VRK2: variants seen among roughly 807,000 people sequenced by gnomAD.
The protein encoded by VRK2 is VRK serine/threonine kinase 2.
Under a neutral mutation model 57.6 loss-of-function variants are expected in VRK2, and 60 were observed. The ratio of observed to expected loss-of-function variants is 1.04; its 90% CI spans 0.85 to 1.29. VRK2 has a LOEUF of 1.29. VRK2 is among the 50% of genes most tolerant of loss of function. The pLI is 0.00. For missense variants in VRK2, 705 were observed against 588.1 expected (o/e 1.20, Z -2.06); for synonymous variants, 231 against 199.2 (o/e 1.16, Z -1.35).
intron 3 of VRK2, among the ~76,000 whole-genome samples, chr2:58,034,685 C>A (rs528964162): frequency 6.6e-6 from 1 of 151,990 alleles, no homozygotes; most frequent in South Asian, 2.1e-4. Context: ...CTTATCTTGG[C>A]CTTAGGGCAT....
Position 58,046,831 on chromosome 2 carries a change from G to A in VRK2, c.-43G>A. On this transcript the variant is annotated 5_prime_UTR_variant, in exon 1 of 13. Transcript: ENST00000340157. ...CTCGTCGCAGCGGCAGGTAGGAGGC[G>A]GTGCGCGCGGCCCGGCGACGGGGGA... 2.0e-6 allele frequency: 2 copies of A among 985,636 alleles called. No homozygotes were observed. Among genetic ancestry groups the A allele is most frequent in the Non-Finnish European group, 2.4e-6 (2 of 830,108 alleles). The allele number at this position is 985,636 out of a possible 1,614,324, so 61.1% of individuals were successfully genotyped here.
At position 58,137,138 on chromosome 2, in the gene VRK2, A is replaced by G. The variant is rs888105455; in HGVS notation, c.856+1939A>G. 1.5e-4 allele frequency among the ~76,000 whole-genome samples: 7 copies of G among 45,332 alleles called. No individual in the cohort carries two copies. In the East Asian group the frequency reaches 3.2e-3, roughly 21 times the overall value. The allele number at this position is 45,332 out of a possible 152,430, so 29.7% of individuals were successfully genotyped here. A position where few individuals can be genotyped will look rare whatever the true frequency, so the allele number is the denominator to read the frequency against. ...TATCATATATGTGTATATATCATATATCATATATATCATGTGTTTATATAT... is the reference window on the plus strand; with the variant it reads ...TATCATATATGTGTATATATCATATGTCATATATATCATGTGTTTATATAT... On this transcript the variant is annotated intron_variant, in intron 10 of 12. Coordinates refer to ENST00000340157, the MANE Select transcript of VRK2 (RefSeq NM_006296.7).
At chr2:57,916,448 T>C (rs1293939425) in intron 1 of VRK2, among the ~76,000 whole-genome samples, 8 of 150,278 alleles carry the variant, frequency 5.3e-5, no homozygotes, top group African/African-American at 1.9e-4. Flanking sequence ...AGAACCATAG[T>C]CAACTATGGT....
At chr2:57,952,985 T>C (rs910365062) in intron 1 of VRK2, among the ~76,000 whole-genome samples, 3 of 152,190 alleles carry the variant, frequency 2.0e-5, no homozygotes, top group African/African-American at 7.2e-5. Context: ...GGATGATGCA[T>C]ATCTGTTACA....
intron 1 of VRK2, among the ~76,000 whole-genome samples, chr2:58,000,717 T>C (rs1434742127): frequency 6.6e-6 from 1 of 152,210 alleles, no homozygotes; most frequent in Non-Finnish European, 1.5e-5. Flanking sequence ...GACAAAACAG[T>C]TGCTCATTAC....
intron 7 of VRK2, among the ~76,000 whole-genome samples, chr2:58,095,479 A>G (rs1242833335): frequency 6.6e-6 from 1 of 151,870 alleles, no homozygotes; most frequent in African/African-American, 2.4e-5. Context: ...TCCTCTTACT[A>G]GTTTTGCATA....
At chr2:58,037,907 A>C (rs1674326198) in intron 3 of VRK2, among the ~76,000 whole-genome samples, 1 of 152,132 alleles carries the variant, frequency 6.6e-6, no homozygotes, top group African/African-American at 2.4e-5. Context: ...ACAACACAAT[A>C]ATTTGCCATC....
chr2:58,029,448 A>T (rs901243473), intron 2 of VRK2, among the ~76,000 whole-genome samples: 1 of 152,168 alleles, frequency 6.6e-6, no homozygotes, highest in Non-Finnish European at 1.5e-5. Flanking sequence ...CAACTCAGGT[A>T]GAAACAAGGT....
chr2:58,035,741 C>G (rs1485147518), intron 3 of VRK2, among the ~76,000 whole-genome samples: 1 of 151,910 alleles, frequency 6.6e-6, no homozygotes, highest in Non-Finnish European at 1.5e-5. Flanking sequence ...AGACAAAGCT[C>G]CATGATGTAT....
intron 10 of VRK2, among the ~76,000 whole-genome samples, chr2:58,137,204 C>CATATATATCATATATGATACATATATCAT (rs1301654797): frequency 1.9e-4 from 3 of 16,074 alleles, no homozygotes; most frequent in South Asian, 2.5e-3. Context: ...ATATATATCT[C>CATATATATCATATATGATACATATATCAT]ATATATGATA....
At chr2:58,063,773 G>C (rs1367713442) in intron 2 of VRK2, among the ~76,000 whole-genome samples, 2 of 152,090 alleles carry the variant, frequency 1.3e-5, no homozygotes, top group African/African-American at 4.8e-5. Context: ...AGCTGCCATA[G>C]ATAATGATTC....
chr2:57,949,057 T>C (rs1337784294), intron 1 of VRK2, among the ~76,000 whole-genome samples: 1 of 133,024 alleles, frequency 7.5e-6, no homozygotes, highest in Non-Finnish European at 1.6e-5. Flanking sequence ...AAACATTAAG[T>C]TGGGAGTGGT....
Position 57,943,097 on chromosome 2 carries a change from C to T in VRK2, c.-439+35258C>T, listed in dbSNP as rs901379187. 7.2e-5 allele frequency among the ~76,000 whole-genome samples: 11 copies of T among 152,150 alleles called. No homozygotes were observed. In the South Asian group the frequency reaches 1.0e-3, roughly 14 times the overall value. ...CTTTTCAATAAACTGAAGCAAACCC[C>T]TGAATCCATTTTTATAATCCTACTG... On this transcript the variant is annotated intron_variant, in intron 1 of 15. Coordinates refer to the VRK2 transcript ENST00000417641.
In VRK2 at chr2:58,154,632, A is replaced by T. The variant is rs1331225737; in HGVS notation, c.1183-4717A>T. ...TTCCATTCGGTTCAATGTATTTTTT[A>T]ATTTTCCTGGGGTCTCTTTGACCCA... On this transcript the variant is annotated intron_variant, in intron 12 of 12. Transcript: ENST00000340157. The T allele has an allele frequency of 7.6e-5, 49 of 641,654 alleles. No individual in the cohort carries two copies. The East Asian group carries it at 1.3e-3, about 18-fold the overall frequency. The allele number at this position is 641,654 out of a possible 1,614,324, so 39.7% of individuals were successfully genotyped here. A position where few individuals can be genotyped will look rare whatever the true frequency, so the allele number is the denominator to read the frequency against.
intron 1 of VRK2, among the ~76,000 whole-genome samples, chr2:57,992,392 AAAG>A (rs1672794573): frequency 6.6e-6 from 1 of 152,228 alleles, no homozygotes; most frequent in Non-Finnish European, 1.5e-5. Flanking sequence ...GAACAGTAAG[AAAG>A]AAGGGCATTC....
chr2:58,151,573 C>T (rs947648226), intron 12 of VRK2, among the ~76,000 whole-genome samples: 1 of 151,284 alleles, frequency 6.6e-6, no homozygotes, highest in Non-Finnish European at 1.5e-5. Flanking sequence ...TATATTTGCT[C>T]CATTTCCATT....
At chr2:58,052,128 C>T (rs983245633) in intron 2 of VRK2, among the ~76,000 whole-genome samples, 1 of 152,122 alleles carries the variant, frequency 6.6e-6, no homozygotes, top group Non-Finnish European at 1.5e-5. Flanking sequence ...GCATATCTGA[C>T]CTGAATCCTG....
intron 3 of VRK2, among the ~76,000 whole-genome samples, chr2:58,084,505 A>G (rs1343148758): frequency 6.6e-6 from 1 of 151,872 alleles, no homozygotes; most frequent in Non-Finnish European, 1.5e-5. Context: ...CAGTAAAGGT[A>G]TCATGTGTGA....
intron 1 of VRK2, among the ~76,000 whole-genome samples, chr2:57,985,832 C>T (rs1003994313): frequency 1.3e-5 from 2 of 151,834 alleles, no homozygotes; most frequent in Non-Finnish European, 2.9e-5. Context: ...TAAAATGCTG[C>T]TAGAACTAAC....
Sources: gnomAD v4.1 joint callset for allele counts (sites outside exome capture counted in the v4.1 genomes callset) on GRCh38, gnomAD v4.1.1 for gene constraint, MANE v1.5 for transcripts, NCBI Gene and HGNC (gene_info 2026-07-23, HGNC 2026-07-21) for gene names.